The following NEDD4L variants were observed in gnomAD, a reference collection of about 807,000 sequenced individuals.
The protein encoded by NEDD4L is NEDD4 like E3 ubiquitin protein ligase, also known as E3 ubiquitin-protein ligase NEDD4-like.
NEDD4L carries 54 observed loss-of-function variants against 148.9 expected under a neutral mutation model. That is an observed-to-expected ratio of 0.36 (90% CI 0.29 to 0.45). NEDD4L has a LOEUF of 0.45. NEDD4L is among the 20% of genes least tolerant of loss of function. The pLI is 1.00. For missense variants in NEDD4L, 856 were observed against 1,233.8 expected (o/e 0.69, Z 4.59); for synonymous variants, 433 against 440.7 (o/e 0.98, Z 0.22).
intron 6 of NEDD4L, among the ~76,000 whole-genome samples, chr18:58,318,821 C>T (rs952431202): frequency 6.6e-5 from 10 of 152,190 alleles, no homozygotes; most frequent in African/African-American, 2.2e-4. Flanking sequence ...CCCTGGAGCC[C>T]TCAGTAACCC....
chr18:58,165,827 A>T lies in NEDD4L; in HGVS notation c.88A>T (p.Ile30Phe). 1 of 1,611,174 alleles carries T rather than the reference A, an allele frequency of 6.2e-7. No individual in the cohort carries two copies. The highest frequency in any genetic ancestry group is 8.5e-7 in the Non-Finnish European group (1 of 1,178,526). Residue 30 changes from isoleucine (I) to phenylalanine (F), a missense_variant, in exon 2 of 31, where the codon ATT becomes TTT. By Grantham distance (21) the Ile-to-Phe change is conservative. Around this residue, in one of 4 missense-constraint regions of NEDD4L, gnomAD observed 193 missense variants for 244.2 expected, o/e 0.79. Transcript: ENST00000400345. ...TCTCAGAGTAAAAGTTGTTTCTGGAATTGATCTCGCCAAAAAGGACATCTT... is the reference window on the plus strand; with the variant it reads ...TCTCAGAGTAAAAGTTGTTTCTGGATTTGATCTCGCCAAAAAGGACATCTT... ...RILRVKVVSGIDLAKKDIFGA... is the reference protein window; with the variant it reads ...RILRVKVVSGFDLAKKDIFGA...
intron 11 of NEDD4L, among the ~76,000 whole-genome samples, chr18:58,333,144 G>A (rs1003004048): frequency 2.6e-5 from 4 of 151,888 alleles, no homozygotes; most frequent in Non-Finnish European, 4.4e-5. Flanking sequence ...CAAGTGTGGT[G>A]GGGGGGGCTT....
intron 18 of NEDD4L, among the ~76,000 whole-genome samples, chr18:58,355,439 G>T (rs2044478493): frequency 1.3e-5 from 2 of 152,212 alleles, no homozygotes; most frequent in Non-Finnish European, 2.9e-5. Flanking sequence ...CCCAGATGCA[G>T]ATGTCCAGGA....
intron 1 of NEDD4L, among the ~76,000 whole-genome samples, chr18:58,082,511 C>T (rs1422597859): frequency 2.0e-5 from 3 of 151,492 alleles, no homozygotes; most frequent in East Asian, 3.9e-4. Flanking sequence ...TTGGCTCATG[C>T]CTGTAATCCC....
chr18:58,330,086 A>G lies in NEDD4L; in HGVS notation c.814-652A>G, dbSNP rs559449655. 6.6e-5 allele frequency among the ~76,000 whole-genome samples: 10 copies of G among 152,334 alleles called. No homozygotes were observed. In the South Asian group the frequency reaches 1.9e-3, roughly 28 times the overall value. Reference sequence around the variant, plus strand: ...TTAAAACGTTATGAATTAAACAACAAATTAGCCATAATCTTCCATGCTATC... The same window carrying G: ...TTAAAACGTTATGAATTAAACAACAGATTAGCCATAATCTTCCATGCTATC... On this transcript the variant is annotated intron_variant, in intron 10 of 30. Coordinates refer to ENST00000400345, the MANE Select transcript of NEDD4L (RefSeq NM_001144967.3).
chr18:58,234,248 T>C (rs201854159), intron 2 of NEDD4L, among the ~76,000 whole-genome samples: 2 of 142,696 alleles, frequency 1.4e-5, no homozygotes, highest in East Asian at 4.3e-4. Context: ...AAAATATTTT[T>C]CTTTTTTTTC....
chr18:58,293,023 T>A (rs573925350), intron 5 of NEDD4L, among the ~76,000 whole-genome samples: 1 of 152,210 alleles, frequency 6.6e-6, no homozygotes, highest in East Asian at 1.9e-4. Flanking sequence ...GTACCTAAAG[T>A]TGTATTTTTC....
Position 58,256,169 on chromosome 18 carries a change from T to G in NEDD4L, c.297+4115T>G, listed in dbSNP as rs867963363. The stretch of plus-strand genomic sequence containing the variant: ...CACGTGCGGCCGCCGCGTGCGGTGC[T>G]CCGGCCCCGTGGACTGCGCGGAGGA... On this transcript the variant is annotated intron_variant, in intron 5 of 30. Transcript: ENST00000400345. This position sits in a 1 kb window ranked among gnomAD's most constrained non-coding sequence, Gnocchi z 5.2. 18 of 1,217,870 alleles carry G rather than the reference T, an allele frequency of 1.5e-5. No homozygotes were observed. The Admixed American group carries it at 2.2e-4, about 15-fold the overall frequency. 75.4% of individuals were successfully genotyped at this position (1,217,870 alleles called of 1,614,324 possible). A position where few individuals can be genotyped will look rare whatever the true frequency, so the allele number is the denominator to read the frequency against.
At chr18:58,302,999 TGAGGCAAGA>T (rs1473659525) in intron 5 of NEDD4L, among the ~76,000 whole-genome samples, 1 of 152,160 alleles carries the variant, frequency 6.6e-6, no homozygotes, top group Non-Finnish European at 1.5e-5. Flanking sequence ...GAGACTAGGG[TGAGGCAAGA>T]GAGGCATCAG....
chr18:58,055,565 A>G (rs996561428), intron 1 of NEDD4L, among the ~76,000 whole-genome samples: 2 of 152,226 alleles, frequency 1.3e-5, no homozygotes, highest in African/African-American at 4.8e-5. Context: ...GTTCAGTGGA[A>G]CACTTATTTA....
At chr18:58,183,300 C>G (rs755599415) in intron 2 of NEDD4L, among the ~76,000 whole-genome samples, 14 of 152,348 alleles carry the variant, frequency 9.2e-5, no homozygotes, top group Middle Eastern at 3.4e-3. Context: ...TGTTTGTTAG[C>G]TCTGGGTCTC....
At position 58,325,126 on chromosome 18, in the gene NEDD4L, A is replaced by G. The variant is rs769476442; in HGVS notation, c.644A>G (p.Asn215Ser). ...NLGRTYYVNH[N>S]NRTTQWHRPS... is the part of the protein sequence containing the mutation. ...GGCCGAACTTACTATGTCAACCACA[A>G]CAACCGGACCACTCAGTGGCACAGA... Residue 215 changes from asparagine to serine, a missense_variant, in exon 9 of 31, where the codon AAC becomes AGC. Transcript: ENST00000400345. 6.2e-6 allele frequency: 10 copies of G among 1,613,930 alleles called. No homozygotes were observed. The highest frequency in any genetic ancestry group is 4.4e-5 in the South Asian group (4 of 91,090).
chr18:58,186,557 G>A (rs2147099884), intron 2 of NEDD4L, among the ~76,000 whole-genome samples: 1 of 152,304 alleles, frequency 6.6e-6, no homozygotes, highest in Middle Eastern at 3.4e-3. Context: ...AGGCAGCAGA[G>A]GCTGAGACCT....
chr18:58,347,730 C>G (rs112515026), intron 16 of NEDD4L, among the ~76,000 whole-genome samples: 2,835 of 152,254 alleles, frequency 0.019, 70 homozygotes, highest in African/African-American at 0.062. Flanking sequence ...GTTCACCTAG[C>G]TAGCAAGAAG....
intron 26 of NEDD4L, among the ~76,000 whole-genome samples, chr18:58,386,592 A>G (rs183438467): frequency 3.9e-5 from 6 of 152,326 alleles, no homozygotes; most frequent in Admixed American, 2.6e-4. Flanking sequence ...TCATCATTTT[A>G]AACAGTATTC....
At chr18:58,127,559 G>T (rs2031342124) in intron 1 of NEDD4L, among the ~76,000 whole-genome samples, 1 of 151,758 alleles carries the variant, frequency 6.6e-6, no homozygotes, top group Non-Finnish European at 1.5e-5. Context: ...AAAAAAATCG[G>T]CCGGGTGCGG....
intron 2 of NEDD4L, among the ~76,000 whole-genome samples, chr18:58,204,819 A>C (rs916180589): frequency 1.3e-5 from 2 of 152,248 alleles, no homozygotes; most frequent in African/African-American, 4.8e-5. Flanking sequence ...TTAAAAAAGA[A>C]GCAAGAAGGT....
At chr18:58,045,174 T>A in intron 1 of NEDD4L, 1 of 398,858 alleles carries the variant, frequency 2.5e-6, no homozygotes, top group East Asian at 3.6e-5. Context: ...CTCTCATGAT[T>A]GTGTGGATCA....
intron 1 of NEDD4L, among the ~76,000 whole-genome samples, chr18:58,060,909 C>T (rs1977946): frequency 0.81 from 122,433 of 151,566 alleles, 50,002 homozygotes; most frequent in East Asian, 1. Context: ...CAGGTGCCTG[C>T]CACCACACCC....
Sources: gnomAD v4.1 joint callset for allele counts (sites outside exome capture counted in the v4.1 genomes callset) on GRCh38, gnomAD v4.1.1 for gene constraint, gnomAD v4.1.1 regional missense constraint, Gnocchi (gnomAD v3.1) non-coding constraint, MANE v1.5 for transcripts, NCBI Gene and HGNC (gene_info 2026-07-23, HGNC 2026-07-21) for gene names.